Variants in RNF180 observed in about 807,000 individuals in gnomAD.
RNF180 encodes the protein ring finger protein 180, also known as E3 ubiquitin-protein ligase RNF180.
RNF180 carries 38 observed loss-of-function variants against 59.2 expected under a neutral mutation model. The observed-to-expected ratio is 0.64, with a 90% CI of 0.50 to 0.84. The LOEUF (loss-of-function observed/expected upper bound fraction) is 0.84, where lower values mean the gene tolerates loss of function less well. Among genes scored for constraint, RNF180 ranks in the 40% least tolerant of loss-of-function variants. The probability of loss-of-function intolerance (pLI) is 0.00; values close to 1 mark genes in which losing one functional copy is unlikely to be tolerated. For missense variants in RNF180, 705 were observed against 700.9 expected, an observed-to-expected ratio of 1.01 and a Z score of -0.07; for synonymous variants, 262 against 240.3, an observed-to-expected ratio of 1.09 and a Z score of -0.84.
chr5:64,238,375 A>G (rs941699536), intron 5 of RNF180, among the ~76,000 whole-genome samples: 1 of 152,242 alleles, frequency 6.6e-6, no homozygotes, highest in Non-Finnish European at 1.5e-5. Context: ...TCACTGGATC[A>G]TATGGCAGTT....
rs1333858081 is a variant in RNF180 at position 64,370,559 on chromosome 5, A to C, written c.*745A>C. The C allele has an allele frequency of 6.6e-6, 1 of 151,724 alleles. No individual in the cohort carries two copies. The highest frequency in any genetic ancestry group is 1.5e-5 in the Non-Finnish European group (1 of 67,754). The allele number at this position is 151,724 out of a possible 1,614,324, so 9.4% of individuals were successfully genotyped here. ...CAATGCATGGTCCAAAATGTAATTTAGTGATTCATTTAAGTAGGAGATGGT... is the reference window on the plus strand; with the variant it reads ...CAATGCATGGTCCAAAATGTAATTTCGTGATTCATTTAAGTAGGAGATGGT... On this transcript the variant is annotated 3_prime_UTR_variant, in exon 8 of 8. Coordinates refer to ENST00000389100, the MANE Select transcript of RNF180 (RefSeq NM_001113561.2).
intron 5 of RNF180, among the ~76,000 whole-genome samples, chr5:64,252,823 G>T (rs1048336753): frequency 6.6e-6 from 1 of 152,026 alleles, no homozygotes; most frequent in Admixed American, 6.6e-5. Flanking sequence ...AGATGCTGGG[G>T]CACAGTGATG....
chr5:64,350,330 T>G (rs1291708479), intron 7 of RNF180, among the ~76,000 whole-genome samples: 1 of 152,090 alleles, frequency 6.6e-6, no homozygotes, highest in Non-Finnish European at 1.5e-5. Context: ...GTCAGATGAG[T>G]AGATTGCAAA....
In RNF180 at chr5:64,212,056, A is replaced by G. The variant is rs1396642845; in HGVS notation, c.136-9A>G. On this transcript the variant is annotated splice_polypyrimidine_tract_variant and intron_variant, in intron 2 of 7. Coordinates refer to ENST00000389100, the MANE Select transcript of RNF180 (RefSeq NM_001113561.2). The stretch of plus-strand genomic sequence containing the variant: ...GTAATTAGTAATATCATTTATTTTT[A>G]TTTAACAGGATAAAGATGATTCAGT... 3 of 1,485,738 alleles carry G rather than the reference A, an allele frequency of 2.0e-6. No individual in the cohort carries two copies. The highest frequency in any genetic ancestry group is 1.2e-5 in the South Asian group (1 of 86,774). The allele number at this position is 1,485,738 out of a possible 1,614,324, so 92.0% of individuals were successfully genotyped here.
At chr5:64,368,721 A>C (rs1299897343) in intron 7 of RNF180, among the ~76,000 whole-genome samples, 1 of 152,058 alleles carries the variant, frequency 6.6e-6, no homozygotes, top group Non-Finnish European at 1.5e-5. Flanking sequence ...GCTCATCATC[A>C]CTGGCCATCA....
intron 1 of RNF180, among the ~76,000 whole-genome samples, chr5:64,173,717 C>CTTTTTT (rs113698456): frequency 4.3e-5 from 6 of 140,066 alleles, no homozygotes; most frequent in African/African-American, 7.9e-5. Flanking sequence ...ATAGCATCAA[C>CTTTTTT]TTTTTTTTTT....
chr5:64,324,281 G>T (rs1460710890), intron 5 of RNF180, among the ~76,000 whole-genome samples: 4 of 152,128 alleles, frequency 2.6e-5, no homozygotes, highest in Non-Finnish European at 5.9e-5. Flanking sequence ...GCCTGGATGG[G>T]ACACCATCCC....
intron 6 of RNF180, among the ~76,000 whole-genome samples, chr5:64,328,971 T>C (rs1217010231): frequency 1.3e-5 from 2 of 152,344 alleles, no homozygotes; most frequent in African/African-American, 2.4e-5. Context: ...GTTTGCTTTC[T>C]ATGGTTCAGA....
intron 6 of RNF180, among the ~76,000 whole-genome samples, chr5:64,328,012 G>A (rs963304145): frequency 1.3e-5 from 2 of 151,742 alleles, no homozygotes. Context: ...TTCCTTTATT[G>A]TAATTTTCCA....
intron 2 of RNF180, among the ~76,000 whole-genome samples, chr5:64,204,411 C>T (rs2112074208): frequency 6.6e-6 from 1 of 152,292 alleles, no homozygotes; most frequent in Non-Finnish European, 1.5e-5. Flanking sequence ...ATGACAGTCT[C>T]ACCAACAATA....
intron 1 of RNF180, among the ~76,000 whole-genome samples, chr5:64,188,061 A>G (rs1245425529): frequency 6.6e-6 from 1 of 152,166 alleles, no homozygotes; most frequent in Non-Finnish European, 1.5e-5. Flanking sequence ...AAGATTCAAT[A>G]TCAGTAGGGT....
intron 7 of RNF180, among the ~76,000 whole-genome samples, chr5:64,339,342 T>C (rs1404877013): frequency 6.6e-6 from 1 of 152,184 alleles, no homozygotes; most frequent in Non-Finnish European, 1.5e-5. Flanking sequence ...TTTCTTTGAA[T>C]TATTACTTAA....
intron 6 of RNF180, among the ~76,000 whole-genome samples, chr5:64,329,447 CTTTT>C (rs901482497): frequency 6.8e-6 from 1 of 146,716 alleles, no homozygotes; most frequent in Non-Finnish European, 1.5e-5. Flanking sequence ...GATTTTTTTT[CTTTT>C]TTTTTCTTTT....
At chr5:64,369,156 T>C (rs1317640011) in intron 7 of RNF180, among the ~76,000 whole-genome samples, 7 of 152,146 alleles carry the variant, frequency 4.6e-5, no homozygotes, top group Non-Finnish European at 8.8e-5. Flanking sequence ...TCATGTCCTT[T>C]GTGGGGACAT....
At chr5:64,287,027 T>C (rs1396546215) in intron 5 of RNF180, among the ~76,000 whole-genome samples, 1 of 152,158 alleles carries the variant, frequency 6.6e-6, no homozygotes, top group Non-Finnish European at 1.5e-5. Context: ...AGTGCAGTGG[T>C]GTGATCTCAG....
chr5:64,200,767 T>G, intron 1 of RNF180, 41 bp from the exon 2 acceptor site: 3 of 1,572,114 alleles, frequency 1.9e-6, no homozygotes, highest in East Asian at 2.2e-5. Context: ...CCAGTTTATC[T>G]GACAGTTTAA....
chr5:64,219,694 T>C (rs1350282236), intron 5 of RNF180, among the ~76,000 whole-genome samples: 1 of 150,994 alleles, frequency 6.6e-6, no homozygotes, highest in African/African-American at 2.4e-5. Context: ...TTTTTTTTTG[T>C]ATTTTTAGTA....
chr5:64,217,610 A>G, intron 5 of RNF180: 5 of 644,178 alleles, frequency 7.8e-6, no homozygotes, highest in Non-Finnish European at 1.1e-5. Context: ...GATGCTGAAC[A>G]TATGTGCTTA....
chr5:64,169,746 G>A (rs983858671), intron 1 of RNF180, among the ~76,000 whole-genome samples: 3 of 152,226 alleles, frequency 2.0e-5, no homozygotes, highest in Admixed American at 6.5e-5. Flanking sequence ...TCTTTGACCA[G>A]TAGAAATCTA....
Sources: gnomAD v4.1 joint callset for allele counts (sites outside exome capture counted in the v4.1 genomes callset) on GRCh38, gnomAD v4.1.1 for gene constraint, MANE v1.5 for transcripts, NCBI Gene and HGNC (gene_info 2026-07-23, HGNC 2026-07-21) for gene names.